Variants in PTPRT observed in about 807,000 individuals in gnomAD.
PTPRT encodes the protein protein tyrosine phosphatase receptor type T.
Under a neutral mutation model 176.8 loss-of-function variants are expected in PTPRT, and 56 were observed. The observed-to-expected ratio is 0.32, with a 90% confidence interval of 0.26 to 0.40. The LOEUF (loss-of-function observed/expected upper bound fraction) is 0.40. Among genes scored for constraint, PTPRT ranks in the 10% least tolerant of loss-of-function variants. The pLI is 1.00. For synonymous variants in PTPRT, 783 were observed against 739.0 expected (o/e 1.06, Z -0.96); for missense variants, 1,540 against 1,908.2 (o/e 0.81, Z 3.60).
intron 9 of PTPRT, among the ~76,000 whole-genome samples, chr20:42,367,303 G>A (rs988460): frequency 0.52 from 79,112 of 152,050 alleles, 20,983 homozygotes; most frequent in Non-Finnish European, 0.57. Flanking sequence ...TTGGGAGACT[G>A]TCGAGTAGGT....
intron 7 of PTPRT, among the ~76,000 whole-genome samples, chr20:42,487,666 G>A (rs960586981): frequency 6.6e-6 from 1 of 152,144 alleles, no homozygotes; most frequent in Non-Finnish European, 1.5e-5. Flanking sequence ...CATAGAAGTG[G>A]CCTCTAGAAG....
intron 7 of PTPRT, among the ~76,000 whole-genome samples, chr20:42,485,467 A>ATGAG (rs1460160953): frequency 2.0e-5 from 3 of 152,222 alleles, no homozygotes; most frequent in African/African-American, 7.2e-5. Flanking sequence ...GAAAAGTCTC[A>ATGAG]GCGTAGCTAA....
chr20:42,809,574 G>A (rs554871358), intron 2 of PTPRT, among the ~76,000 whole-genome samples: 1 of 152,292 alleles, frequency 6.6e-6, no homozygotes, highest in African/African-American at 2.4e-5. Flanking sequence ...TCACAGTTCT[G>A]GAGGCCAGAA....
intron 9 of PTPRT, among the ~76,000 whole-genome samples, chr20:42,423,607 G>T (rs1051593858): frequency 1.3e-5 from 2 of 152,100 alleles, no homozygotes; most frequent in African/African-American, 4.8e-5. Flanking sequence ...AACATCAGGG[G>T]GTTGTGCTGT....
chr20:42,483,396 T>C (rs899313371), intron 7 of PTPRT, among the ~76,000 whole-genome samples: 2 of 152,194 alleles, frequency 1.3e-5, no homozygotes. Flanking sequence ...ACTCCTGAAC[T>C]CAAGTGATCC....
At chr20:42,442,565 C>T (rs534468078) in intron 9 of PTPRT, among the ~76,000 whole-genome samples, 118 of 152,174 alleles carry the variant, frequency 7.8e-4, no homozygotes, top group Non-Finnish European at 1.5e-3. Context: ...CAGATTTATA[C>T]ACTGTAATTA....
At chr20:42,549,107 G>A (rs369100637) in intron 7 of PTPRT, among the ~76,000 whole-genome samples, 21 of 152,244 alleles carry the variant, frequency 1.4e-4, no homozygotes, top group African/African-American at 5.1e-4. Context: ...TTATAGTCCA[G>A]AGAACTTCTC....
At chr20:42,663,653 G>A (rs2075264860) in intron 7 of PTPRT, among the ~76,000 whole-genome samples, 2 of 152,146 alleles carry the variant, frequency 1.3e-5, no homozygotes, top group East Asian at 1.9e-4. Flanking sequence ...CTGGTAAACT[G>A]GCCCCAGCTG....
At chr20:42,433,555 A>G (rs1271055841) in intron 9 of PTPRT, among the ~76,000 whole-genome samples, 3 of 152,194 alleles carry the variant, frequency 2.0e-5, no homozygotes, top group Non-Finnish European at 4.4e-5. Context: ...GATGTCCATC[A>G]TGGGAATGGT....
chr20:42,192,338 A>C (rs1991035422), intron 16 of PTPRT, among the ~76,000 whole-genome samples: 1 of 152,140 alleles, frequency 6.6e-6, no homozygotes, highest in African/African-American at 2.4e-5. Flanking sequence ...AAAAGCCATG[A>C]TCCGTCTTCC....
chr20:42,350,681 G>A lies in PTPRT; in HGVS notation c.1812C>T (p.Asp604=), dbSNP rs200505145. ...YDTDTPLNET[D]TTITVMLKPA... The stretch of plus-strand genomic sequence containing the variant: ...GTTTCAGCATCACTGTGATGGTCGT[G>A]TCTGTCTCATTCAATGGGGTGTCTG... Residue 604 remains aspartate (D), a synonymous_variant, in exon 11 of 31, where the codon GAC becomes GAT. Coordinates refer to ENST00000373187, the MANE Select transcript of PTPRT (RefSeq NM_007050.6). 359 of 1,613,918 alleles carry A rather than the reference G, an allele frequency of 2.2e-4. No homozygotes were observed. The African/African-American group carries it at 4.3e-3, about 19-fold the overall frequency.
intron 2 of PTPRT, among the ~76,000 whole-genome samples, chr20:42,868,697 G>A (rs2078793026): frequency 6.6e-6 from 1 of 152,218 alleles, no homozygotes; most frequent in South Asian, 2.1e-4. Context: ...TAGTATGGGT[G>A]TAAGGAAGCC....
At chr20:42,772,265 A>G (rs1013687734) in intron 4 of PTPRT, among the ~76,000 whole-genome samples, 3 of 152,014 alleles carry the variant, frequency 2.0e-5, no homozygotes, top group African/African-American at 7.3e-5. Context: ...ACTTAACCCA[A>G]TGCAGTCAGT....
chr20:42,400,109 A>G (rs1457841404), intron 9 of PTPRT, among the ~76,000 whole-genome samples: 8 of 152,036 alleles, frequency 5.3e-5, no homozygotes, highest in Admixed American at 5.2e-4. Flanking sequence ...CTTTAACCCA[A>G]CTCGGAGCCA....
Position 42,236,234 on chromosome 20 carries a change from A to G in PTPRT, c.2337T>C (p.Tyr779=). The change falls in exon 15 of 31, where the codon TAT becomes TAC. Residue 779 remains tyrosine (Y), a synonymous_variant. Coordinates refer to ENST00000373187, the MANE Select transcript of PTPRT (RefSeq NM_007050.6). ...AACACCAGCTCGATACTTACAAGTAATAGGAGTAGGAATAAGCATTTCTTC... is the reference window on the plus strand; with the variant it reads ...AACACCAGCTCGATACTTACAAGTAGTAGGAGTAGGAATAAGCATTTCTTC... ...KRRRNAYSYS[Y]YLKLAKKQKE... is the part of the protein sequence containing the mutation. 3.1e-6 allele frequency: 5 copies of G among 1,603,056 alleles called. No individual in the cohort carries two copies. The highest frequency in any genetic ancestry group is 4.3e-6 in the Non-Finnish European group (5 of 1,170,636).
intron 1 of PTPRT, among the ~76,000 whole-genome samples, chr20:43,154,628 G>T (rs1177308290): frequency 2.6e-5 from 4 of 152,114 alleles, no homozygotes; most frequent in Non-Finnish European, 5.9e-5. Context: ...ACTACTAGAA[G>T]AAAACATAGG....
intron 9 of PTPRT, among the ~76,000 whole-genome samples, chr20:42,360,214 A>G (rs572913106): frequency 1.6e-4 from 25 of 152,170 alleles, no homozygotes; most frequent in Non-Finnish European, 3.5e-4. Flanking sequence ...CTTAGCTACC[A>G]GACACACTTT....
intron 17 of PTPRT, among the ~76,000 whole-genome samples, chr20:42,156,832 A>C (rs1989376339): frequency 6.6e-6 from 1 of 152,192 alleles, no homozygotes; most frequent in Non-Finnish European, 1.5e-5. Flanking sequence ...GTTGTCTGTC[A>C]CCTGGGTTAC....
At chr20:42,669,622 G>A (rs1016375397) in intron 7 of PTPRT, among the ~76,000 whole-genome samples, 6 of 152,164 alleles carry the variant, frequency 3.9e-5, no homozygotes, top group African/African-American at 1.4e-4. Flanking sequence ...CCAAGGCATA[G>A]AGAAATGAAG....
Sources: allele counts gnomAD v4.1 joint callset (sites outside exome capture counted in the v4.1 genomes callset), GRCh38; gene constraint gnomAD v4.1.1; transcripts MANE v1.5; gene names NCBI Gene and HGNC (gene_info 2026-07-23, HGNC 2026-07-21).